The following SOX6 variants were observed in gnomAD, a reference collection of about 807,000 sequenced individuals.
The protein encoded by SOX6 is SRY-box transcription factor 6.
Under a neutral mutation model 97.8 loss-of-function variants are expected in SOX6, and 11 were observed. The ratio of observed to expected loss-of-function variants is 0.11; its 90% confidence interval spans 0.07 to 0.19. The LOEUF (loss-of-function observed/expected upper bound fraction) is 0.19. Among genes scored for constraint, SOX6 ranks in the 10% least tolerant of loss-of-function variants. SOX6 has a pLI of 1.00. For missense variants in SOX6, 810 were observed against 1,039.5 expected, an observed-to-expected ratio of 0.78 and a Z score of 3.04; for synonymous variants, 360 against 371.4, an observed-to-expected ratio of 0.97 and a Z score of 0.35.
chr11:16,213,276 T>C (rs1411850597), intron 4 of SOX6, among the ~76,000 whole-genome samples: 1 of 152,078 alleles, frequency 6.6e-6, no homozygotes, highest in Non-Finnish European at 1.5e-5. Flanking sequence ...GTTCTCTCTT[T>C]TTCTCTTAGA....
intron 4 of SOX6, among the ~76,000 whole-genome samples, chr11:16,220,653 T>G (rs1312752776): frequency 6.6e-6 from 1 of 152,030 alleles, no homozygotes; most frequent in Non-Finnish European, 1.5e-5. Flanking sequence ...ATCCAAATTC[T>G]CTTGTTCCTA....
chr11:16,472,206 T>C (rs559460196), intron 1 of SOX6, among the ~76,000 whole-genome samples: 2 of 152,318 alleles, frequency 1.3e-5, no homozygotes, highest in South Asian at 4.2e-4. Flanking sequence ...CCATCTTGGT[T>C]TGAAATGCTG....
intron 3 of SOX6, among the ~76,000 whole-genome samples, chr11:16,237,524 T>C (rs976799646): frequency 1.5e-4 from 23 of 152,088 alleles, no homozygotes; most frequent in African/African-American, 5.1e-4. Flanking sequence ...ACAGAGGCAA[T>C]TGATCAGATC....
Position 16,096,050 on chromosome 11 carries a change from A to T in SOX6, c.1047T>A (p.Asn349Lys), listed in dbSNP as rs1848786640. ...CACCACCATGTTCAAAGGTGTCCAAATTCCTGCCAAAACGGTCACTTAGGC... is the reference window on the plus strand; with the variant it reads ...CACCACCATGTTCAAAGGTGTCCAATTTCCTGCCAAAACGGTCACTTAGGC... Reference protein sequence around the residue: ...LKGLSDRFGRNLDTFEHGGGH... With the variant: ...LKGLSDRFGRKLDTFEHGGGH... The change falls in exon 9 of 16, where the codon AAT (asparagine) becomes AAA (lysine). Residue 349 changes from asparagine (N) to lysine (K), a missense_variant. Asn to Lys is a moderately conservative substitution (Grantham distance 94, BLOSUM62 0). Transcript: ENST00000683767. The T allele has an allele frequency of 1.2e-6, 2 of 1,611,648 alleles. No homozygotes were observed. Among genetic ancestry groups the T allele is most frequent in the African/African-American group, 2.7e-5 (2 of 74,668 alleles).
intron 1 of SOX6, among the ~76,000 whole-genome samples, chr11:16,425,943 T>G (rs186018942): frequency 8.8e-4 from 130 of 147,918 alleles, no homozygotes; most frequent in Middle Eastern, 3.5e-3. Context: ...TTGAGATTTT[T>G]TACAGAACTA....
At chr11:16,144,892 C>G (rs1292000165) in intron 6 of SOX6, among the ~76,000 whole-genome samples, 2 of 152,076 alleles carry the variant, frequency 1.3e-5, no homozygotes, top group African/African-American at 4.8e-5. Flanking sequence ...CAGGACCAGA[C>G]GGATTCACAG....
intron 7 of SOX6, among the ~76,000 whole-genome samples, chr11:16,100,690 G>T (rs1241306529): frequency 1.3e-5 from 2 of 150,846 alleles, no homozygotes; most frequent in African/African-American, 2.4e-5. Flanking sequence ...CAACCCATTA[G>T]ATTCAGGCTA....
At chr11:16,703,912 G>C (rs1848112626) in intron 3 of SOX6, among the ~76,000 whole-genome samples, 1 of 152,156 alleles carries the variant, frequency 6.6e-6, no homozygotes, top group Admixed American at 6.5e-5. Context: ...GAAATGTCCT[G>C]TCTTACCAAT....
intron 4 of SOX6, among the ~76,000 whole-genome samples, chr11:16,231,487 T>C (rs1386543258): frequency 2.0e-5 from 3 of 151,768 alleles, no homozygotes; most frequent in Non-Finnish European, 4.4e-5. Context: ...ATAATACTTG[T>C]TATTCAGGGC....
intron 4 of SOX6, among the ~76,000 whole-genome samples, chr11:16,218,396 G>A (rs886959614): frequency 1.3e-5 from 2 of 152,016 alleles, no homozygotes; most frequent in African/African-American, 4.8e-5. Context: ...AACTCTCTCT[G>A]CACATCAGAA....
At chr11:16,147,117 T>TA (rs1442555072) in intron 6 of SOX6, among the ~76,000 whole-genome samples, 3 of 151,928 alleles carry the variant, frequency 2.0e-5, no homozygotes, top group Non-Finnish European at 2.9e-5. Flanking sequence ...TGTCCAACAA[T>TA]CATAGACTGG....
chr11:16,708,165 A>C (rs1848151328), intron 3 of SOX6, among the ~76,000 whole-genome samples: 1 of 152,336 alleles, frequency 6.6e-6, no homozygotes, highest in Middle Eastern at 3.4e-3. Flanking sequence ...TATTATGCCA[A>C]TAGAAGTTAT....
chr11:16,015,259 G>A, intron 12 of SOX6: 1 of 584,032 alleles, frequency 1.7e-6, no homozygotes, highest in African/African-American at 1.9e-5. Flanking sequence ...GTACCTGTAG[G>A]GAAAGGAAAG....
intron 4 of SOX6, chr11:16,576,792 A>G (rs1847988487): frequency 6.6e-6 from 1 of 152,238 alleles, no homozygotes; most frequent in Non-Finnish European, 1.5e-5. Context: ...TATTACAGAT[A>G]TTACAGATCA....
chr11:16,063,610 A>T (rs1848021946), intron 9 of SOX6, among the ~76,000 whole-genome samples: 1 of 137,912 alleles, frequency 7.3e-6, no homozygotes, highest in African/African-American at 2.7e-5. Context: ...CCAAACAGAA[A>T]AAGTACAAGG....
At chr11:16,340,927 C>A in intron 2 of SOX6, 85 bp downstream of exon 2, 1 of 1,575,718 alleles carries the variant, frequency 6.3e-7, no homozygotes, top group South Asian at 1.1e-5. Context: ...ACTCTAAGGT[C>A]ATCTATTTCC....
At chr11:15,993,626 G>A (rs866553368) in intron 13 of SOX6, among the ~76,000 whole-genome samples, 3 of 152,136 alleles carry the variant, frequency 2.0e-5, no homozygotes, top group Non-Finnish European at 4.4e-5. Flanking sequence ...TGCCAGGAGA[G>A]GCTGCTCTGT....
chr11:16,638,512 T>C (rs1206862677), intron 3 of SOX6, among the ~76,000 whole-genome samples: 2 of 152,182 alleles, frequency 1.3e-5, no homozygotes, highest in Non-Finnish European at 2.9e-5. Context: ...CCACAATGAT[T>C]GAGCTAGTTT....
intron 3 of SOX6, among the ~76,000 whole-genome samples, chr11:16,290,743 A>T (rs1055975113): frequency 3.3e-5 from 5 of 152,086 alleles, no homozygotes; most frequent in African/African-American, 1.2e-4. Context: ...TGCACAATAC[A>T]ACAAAAACAA....
Sources: allele counts gnomAD v4.1 joint callset (sites outside exome capture counted in the v4.1 genomes callset), GRCh38; gene constraint gnomAD v4.1.1; transcripts MANE v1.5; gene names NCBI Gene and HGNC (gene_info 2026-07-23, HGNC 2026-07-21).